SEM1: variants seen among roughly 807,000 people sequenced by gnomAD.
SEM1 encodes 26S proteasome complex subunit SEM1.
SEM1 carries 3 observed loss-of-function variants against 12.7 expected under a neutral mutation model. That is an observed-to-expected ratio of 0.24 (90% CI 0.11 to 0.61). SEM1 has a LOEUF of 0.61. Ranked by LOEUF, SEM1 falls within the 20% of genes least tolerant of loss-of-function variation. The pLI, the probability that SEM1 is intolerant of heterozygous loss-of-function variation, is 0.88. For missense variants in SEM1, 59 were observed against 81.3 expected, an observed-to-expected ratio of 0.73 and a Z score of 1.06; for synonymous variants, 30 against 27.8, an observed-to-expected ratio of 1.08 and a Z score of -0.25.
At chr7:96,680,681 G>C (rs1482310922) in intron 2 of SEM1, among the ~76,000 whole-genome samples, 2 of 152,068 alleles carry the variant, frequency 1.3e-5, no homozygotes, top group Admixed American at 1.3e-4. Context: ...TCAATTTCAT[G>C]ACAGCTAAAG....
chr7:96,693,807 A>T (rs1293938052), intron 2 of SEM1, among the ~76,000 whole-genome samples: 3 of 133,192 alleles, frequency 2.3e-5, no homozygotes, highest in South Asian at 2.4e-4. Flanking sequence ...TATATATATA[A>T]AATTTCTTTT....
At chr7:96,585,344 G>A (rs1806583421) in intron 2 of SEM1, among the ~76,000 whole-genome samples, 1 of 152,208 alleles carries the variant, frequency 6.6e-6, no homozygotes, top group East Asian at 1.9e-4. Context: ...CCAGCTTCGT[G>A]CTGGGAGAAC....
chr7:96,612,862 C>T (rs1807583767), intron 2 of SEM1, among the ~76,000 whole-genome samples: 1 of 152,172 alleles, frequency 6.6e-6, no homozygotes, highest in African/African-American at 2.4e-5. Flanking sequence ...GTCTCGATCT[C>T]CTGAACTCAT....
At chr7:96,492,279 C>G (rs1368607964) in intron 1 of SEM1, among the ~76,000 whole-genome samples, 1 of 152,152 alleles carries the variant, frequency 6.6e-6, no homozygotes, top group Non-Finnish European at 1.5e-5. Flanking sequence ...CTTCCTGTCT[C>G]TAGGCATTTG....
At chr7:96,616,723 T>C (rs1383349278) in intron 2 of SEM1, among the ~76,000 whole-genome samples, 2 of 152,274 alleles carry the variant, frequency 1.3e-5, no homozygotes, top group East Asian at 3.9e-4. Flanking sequence ...TTAATTTTTG[T>C]ATGTGGTCAG....
intron 2 of SEM1, among the ~76,000 whole-genome samples, chr7:96,632,850 G>T (rs1808313804): frequency 6.7e-6 from 1 of 149,362 alleles, no homozygotes; most frequent in African/African-American, 2.5e-5. Flanking sequence ...GGGACAATCG[G>T]TGGAGACTTC....
At chr7:96,622,428 TAGTCGATTCAGGAG>T (rs1807924398), downstream of SEM1, 1 of 543,172 alleles carries the variant, frequency 1.8e-6, no homozygotes, top group African/African-American at 1.9e-5. Context: ...GGGAAAACAG[TAGTCGATTCAGGAG>T]AAGTCAAGAA....
chr7:96,688,534 T>C (rs1367754632), downstream of SEM1: 1 of 155,638 alleles, frequency 6.4e-6, no homozygotes, highest in Non-Finnish European at 1.4e-5. Context: ...AGAAATTCCT[T>C]ATAAAATAGA....
intron 2 of SEM1, among the ~76,000 whole-genome samples, chr7:96,581,999 C>T (rs1417349644): frequency 4.1e-5 from 6 of 147,738 alleles, no homozygotes; most frequent in Admixed American, 3.4e-4. Flanking sequence ...CCAGAACTTC[C>T]AACACTATGT....
chr7:96,647,581 T>G (rs1182360951), intron 2 of SEM1: 1 of 152,164 alleles, frequency 6.6e-6, no homozygotes, highest in Non-Finnish European at 1.5e-5. Context: ...TGAAACCAGT[T>G]GAATACAAAA....
intron 1 of SEM1, among the ~76,000 whole-genome samples, chr7:96,707,317 C>G (rs1790496497): frequency 6.6e-6 from 1 of 152,148 alleles, no homozygotes; most frequent in Admixed American, 6.5e-5. Context: ...AAGTGTTTTT[C>G]TTTTGCTTTT....
At chr7:96,496,206 A>T (rs1000221308) in intron 1 of SEM1, 1 of 874,124 alleles carries the variant, frequency 1.1e-6, no homozygotes, top group Non-Finnish European at 1.8e-6. Flanking sequence ...GTCATAGTAC[A>T]CTCAAGGTAT....
chr7:96,692,595 T>C (rs1200265455), intron 2 of SEM1, among the ~76,000 whole-genome samples: 1 of 152,082 alleles, frequency 6.6e-6, no homozygotes, highest in African/African-American at 2.4e-5. Flanking sequence ...GGCATGAGCT[T>C]GTACACATAG....
intron 2 of SEM1, among the ~76,000 whole-genome samples, chr7:96,612,473 A>C (rs1437304118): frequency 6.6e-6 from 1 of 152,220 alleles, no homozygotes; most frequent in Non-Finnish European, 1.5e-5. Flanking sequence ...GAGGAATGTT[A>C]GTTACCATCT....
chr7:96,591,357 C>A (rs2116136705), intron 2 of SEM1, among the ~76,000 whole-genome samples: 1 of 152,264 alleles, frequency 6.6e-6, no homozygotes. Flanking sequence ...TGTCAACCAC[C>A]AGAATGGCGA....
chr7:96,525,891 G>C (rs991677036), intron 2 of SEM1, among the ~76,000 whole-genome samples: 1 of 152,054 alleles, frequency 6.6e-6, no homozygotes, highest in African/African-American at 2.4e-5. Flanking sequence ...GTTTCATCCC[G>C]AAACCATCCC....
chr7:96,615,241 C>CTTTTTT (rs60940244), intron 2 of SEM1, among the ~76,000 whole-genome samples: 4 of 126,398 alleles, frequency 3.2e-5, no homozygotes, highest in African/African-American at 9.5e-5. Context: ...TTTGAGTCAT[C>CTTTTTT]TTTTTTTTTT....
At chr7:96,549,792 T>C (rs942874868) in intron 2 of SEM1, among the ~76,000 whole-genome samples, 1 of 152,172 alleles carries the variant, frequency 6.6e-6, no homozygotes, top group Non-Finnish European at 1.5e-5. Context: ...AATAAAAAGA[T>C]GGACAGGGTG....
downstream of SEM1, among the ~76,000 whole-genome samples, chr7:96,671,981 A>G (rs13308531): frequency 1.3e-5 from 2 of 152,210 alleles, no homozygotes; most frequent in African/African-American, 2.4e-5. Context: ...GTTTTAGAAA[A>G]CCAAATATAG....
Sources: gnomAD v4.1 joint callset for allele counts (sites outside exome capture counted in the v4.1 genomes callset) on GRCh38, gnomAD v4.1.1 for gene constraint, MANE v1.5 for transcripts, NCBI Gene and HGNC (gene_info 2026-07-23, HGNC 2026-07-21) for gene names.